LYL1: variants seen among roughly 807,000 people sequenced by gnomAD.
LYL1 encodes LYL1 basic helix-loop-helix family member.
LYL1 carries 4 observed loss-of-function variants against 11.1 expected under a neutral mutation model. The observed-to-expected ratio is 0.36, with a 90% CI of 0.18 to 0.82. The LOEUF is 0.82. Ranked by LOEUF, LYL1 falls within the 40% of genes least tolerant of loss-of-function variation. The probability of loss-of-function intolerance (pLI) is 0.49; values close to 1 mark genes in which losing one functional copy is unlikely to be tolerated. For missense variants in LYL1, 356 were observed against 397.6 expected, an observed-to-expected ratio of 0.90 and a Z score of 0.89; for synonymous variants, 179 against 174.8, an observed-to-expected ratio of 1.02 and a Z score of -0.19.
chr19:13,100,637 G>T lies in LYL1; in HGVS notation c.427+20C>A. 2 of 1,611,788 alleles carry T rather than the reference G, an allele frequency of 1.2e-6. No individual in the cohort carries two copies. The highest frequency in any genetic ancestry group is 1.7e-6 in the Non-Finnish European group (2 of 1,177,852). On this transcript the variant is annotated intron_variant, in intron 3 of 3. Transcript: ENST00000264824. Reference sequence around the variant, plus strand: ...ACATACAGGCATACAAACCCACAAGGCACACAAACCCACACTCACCCTCAG... The same window carrying T: ...ACATACAGGCATACAAACCCACAAGTCACACAAACCCACACTCACCCTCAG...
rs923038945 is a variant in LYL1, at chr19:13,101,431, C to T, written c.-24-236G>A. On this transcript the variant is annotated intron_variant, in intron 1 of 3. Coordinates refer to ENST00000264824, the MANE Select transcript of LYL1 (RefSeq NM_005583.5). This position sits in a 1 kb window ranked among gnomAD's most constrained non-coding sequence, Gnocchi z 5.1. ...CCAGGTGCTAGGCAGCGCACTGTCCCTGAGCTCTTTGTGACCCAGGAGGGG... is the reference window on the plus strand; with the variant it reads ...CCAGGTGCTAGGCAGCGCACTGTCCTTGAGCTCTTTGTGACCCAGGAGGGG... The T allele has an allele frequency of 2.5e-6, 1 of 396,844 alleles. No homozygotes were observed. The highest frequency in any genetic ancestry group is 2.1e-5 in the African/African-American group (1 of 48,440). The allele number at this position is 396,844 out of a possible 1,614,324, so 24.6% of individuals were successfully genotyped here. A position where few individuals can be genotyped will look rare whatever the true frequency, so the allele number is the denominator to read the frequency against.
chr19:13,099,289 C>T lies in LYL1; in HGVS notation c.*30G>A, dbSNP rs766841090. On this transcript the variant is annotated 3_prime_UTR_variant, in exon 4 of 4. Transcript: ENST00000264824. The surrounding 1 kb of genome is among the most constrained non-coding windows in gnomAD (Gnocchi z 5.3). ...CGGCCCTGGGCCGAGTCCCTGGTGC[C>T]CTCCGGCTCAGAGGTGCTGCCGCGT... 1 of 1,254,618 alleles carries T rather than the reference C, an allele frequency of 8.0e-7. No homozygotes were observed. Among genetic ancestry groups the T allele is most frequent in the East Asian group, 3.0e-5 (1 of 32,814 alleles). 77.7% of individuals were successfully genotyped at this position (1,254,618 alleles called of 1,614,324 possible).
At position 13,102,119 on chromosome 19, in the gene LYL1, G is replaced by GT. The variant is rs1391656686; in HGVS notation, c.-25+411dup. ...CCTGAGTAGCTGAGAGTACAGGCATGTGCCACCATGCCCGGCTAATTTAAA... is the reference window on the plus strand; with the variant it reads ...CCTGAGTAGCTGAGAGTACAGGCATGTTGCCACCATGCCCGGCTAATTTAAA... On this transcript the variant is annotated intron_variant, in intron 1 of 3. Transcript: ENST00000264824. The surrounding 1 kb of genome is among the most constrained non-coding windows in gnomAD (Gnocchi z 4.9). 4.7e-6 allele frequency: 1 copy of GT among 211,914 alleles called. No homozygotes were observed. Among genetic ancestry groups the GT allele is most frequent in the African/African-American group, 2.3e-5 (1 of 44,020 alleles). The allele number at this position is 211,914 out of a possible 1,614,324, so 13.1% of individuals were successfully genotyped here. A position where few individuals can be genotyped will look rare whatever the true frequency, so the allele number is the denominator to read the frequency against.
chr19:13,101,126 C>T lies in LYL1; in HGVS notation c.46G>A (p.Glu16Lys). Residue 16 changes from glutamate to lysine, a missense_variant, in exon 2 of 4, where the codon GAG becomes AAG. Glu to Lys is a moderately conservative substitution (Grantham distance 56). Coordinates refer to ENST00000264824, the MANE Select transcript of LYL1 (RefSeq NM_005583.5). This position sits in a 1 kb window ranked among gnomAD's most constrained non-coding sequence, Gnocchi z 5.1. Reference sequence around the variant, plus strand: ...GGGGCACACACCATCTCTGCCTTCTCAGTCATGGTGGGGCCCACCTCTGCC... The same window carrying T: ...GGGGCACACACCATCTCTGCCTTCTTAGTCATGGTGGGGCCCACCTCTGCC... Reference protein sequence around the residue: ...AQAEVGPTMTEKAEMVCAPSP... With the variant: ...AQAEVGPTMTKKAEMVCAPSP... 1.3e-6 allele frequency: 2 copies of T among 1,481,848 alleles called. No individual in the cohort carries two copies. The highest frequency in any genetic ancestry group is 1.8e-6 in the Non-Finnish European group (2 of 1,119,602). The allele number at this position is 1,481,848 out of a possible 1,614,324, so 91.8% of individuals were successfully genotyped here.
At chr19:13,100,230 T>TGACTCTTGTGTGGCC (rs911997869) in intron 3 of LYL1, among the ~76,000 whole-genome samples, 4 of 152,226 alleles carry the variant, frequency 2.6e-5, no homozygotes, top group African/African-American at 9.6e-5. Context: ...GTTGTGTGGC[T>TGACTCTTGTGTGGCC]GACTCTTGTG....
In LYL1 at chr19:13,099,367, G is replaced by GGA; in HGVS notation, c.794_795insTC (p.Arg266ProfsTer11). 1 of 1,277,708 alleles carries GGA rather than the reference G, an allele frequency of 7.8e-7. No individual in the cohort carries two copies. 79.1% of individuals were successfully genotyped at this position (1,277,708 alleles called of 1,614,324 possible). ...CGGTTTGCTCCATCTTGATGGGCCG[G>GGA]GCCGCTCCACCGGGGCTGCCGTCGG... On this transcript the variant is annotated frameshift_variant, in exon 4 of 4. Coordinates refer to ENST00000264824, the MANE Select transcript of LYL1 (RefSeq NM_005583.5). LOFTEE classifies it high-confidence loss of function. This position sits in a 1 kb window ranked among gnomAD's most constrained non-coding sequence, Gnocchi z 5.3.
Position 13,101,254 on chromosome 19 carries a change from T to C in LYL1, c.-24-59A>G. 1 of 640,914 alleles carries C rather than the reference T, an allele frequency of 1.6e-6. No homozygotes were observed. The highest frequency in any genetic ancestry group is 2.4e-6 in the Non-Finnish European group (1 of 423,026). 39.7% of individuals were successfully genotyped at this position (640,914 alleles called of 1,614,324 possible). On this transcript the variant is annotated intron_variant, in intron 1 of 3. Coordinates refer to ENST00000264824, the MANE Select transcript of LYL1 (RefSeq NM_005583.5). The surrounding 1 kb of genome is among the most constrained non-coding windows in gnomAD (Gnocchi z 5.1). ...ACTAGGTGCCCCGCTCCCACCTGCTTAGCTCAAGAAACCCCTCAAATGGGA... is the reference window on the plus strand; with the variant it reads ...ACTAGGTGCCCCGCTCCCACCTGCTCAGCTCAAGAAACCCCTCAAATGGGA...
intron 3 of LYL1, 73 bp downstream of exon 3, chr19:13,100,584 G>T: frequency 7.2e-7 from 1 of 1,379,628 alleles, no homozygotes; most frequent in Non-Finnish European, 1.0e-6. Context: ...CACAGAGACG[G>T]CCAGGCCTTC....
chr19:13,101,697 G>A lies in LYL1; in HGVS notation c.-24-502C>T, dbSNP rs570198763. 1.2e-4 allele frequency: 26 copies of A among 224,786 alleles called. No homozygotes were observed. The highest frequency in any genetic ancestry group is 4.5e-4 in the African/African-American group (20 of 44,892). The allele number at this position is 224,786 out of a possible 1,614,324, so 13.9% of individuals were successfully genotyped here. On this transcript the variant is annotated intron_variant, in intron 1 of 3. Coordinates refer to ENST00000264824, the MANE Select transcript of LYL1 (RefSeq NM_005583.5). This position sits in a 1 kb window ranked among gnomAD's most constrained non-coding sequence, Gnocchi z 5.1. ...TCTGACCCTTCACGGAAGGCCCCCAGCCCCCACCCAGGCTGACCCTCTGCA... is the reference window on the plus strand; with the variant it reads ...TCTGACCCTTCACGGAAGGCCCCCAACCCCCACCCAGGCTGACCCTCTGCA...
At position 13,101,289 on chromosome 19, in the gene LYL1, G is replaced by T; in HGVS notation, c.-24-94C>A. The stretch of plus-strand genomic sequence containing the variant: ...AACCCCTCAAATGGGAAGGAGGGAG[G>T]GGGAGGGGGAAAGGAGGAGGAGAGA... On this transcript the variant is annotated intron_variant, in intron 1 of 3. Transcript: ENST00000264824. This position sits in a 1 kb window ranked among gnomAD's most constrained non-coding sequence, Gnocchi z 5.1. 1 of 464,920 alleles carries T rather than the reference G, an allele frequency of 2.2e-6. No individual in the cohort carries two copies. Among genetic ancestry groups the T allele is most frequent in the Non-Finnish European group, 3.7e-6 (1 of 273,516 alleles). 28.8% of individuals were successfully genotyped at this position (464,920 alleles called of 1,614,324 possible).
rs1249423827 is a variant in LYL1, at chr19:13,101,430, C to T, written c.-24-235G>A. The T allele has an allele frequency of 7.6e-6, 3 of 397,150 alleles. No individual in the cohort carries two copies. Among genetic ancestry groups the T allele is most frequent in the African/African-American group, 6.2e-5 (3 of 48,442 alleles). 24.6% of individuals were successfully genotyped at this position (397,150 alleles called of 1,614,324 possible). ...CCCAGGTGCTAGGCAGCGCACTGTC[C>T]CTGAGCTCTTTGTGACCCAGGAGGG... On this transcript the variant is annotated intron_variant, in intron 1 of 3. Coordinates refer to ENST00000264824, the MANE Select transcript of LYL1 (RefSeq NM_005583.5). This position sits in a 1 kb window ranked among gnomAD's most constrained non-coding sequence, Gnocchi z 5.1.
chr19:13,101,396 G>A lies in LYL1; in HGVS notation c.-24-201C>T, dbSNP rs573833830. On this transcript the variant is annotated intron_variant, in intron 1 of 3. Transcript: ENST00000264824. The surrounding 1 kb of genome is among the most constrained non-coding windows in gnomAD (Gnocchi z 5.1). ...GGAGGGGGGTCCTACGTTAGAGTAG[G>A]AGGCGCCCCCCAGGTGCTAGGCAGC... 1.2e-5 allele frequency: 5 copies of A among 426,852 alleles called. No individual in the cohort carries two copies. The highest frequency in any genetic ancestry group is 5.9e-4 in the Middle Eastern group (1 of 1,698). 26.4% of individuals were successfully genotyped at this position (426,852 alleles called of 1,614,324 possible).
Position 13,099,566 on chromosome 19 carries a change from A to G in LYL1, c.596T>C (p.Ile199Thr). The G allele has an allele frequency of 6.5e-7, 1 of 1,538,792 alleles. No homozygotes were observed. Among genetic ancestry groups the G allele is most frequent in the Non-Finnish European group, 8.8e-7 (1 of 1,141,952 alleles). ...NEVLRLAMKY[I>T]GFLVRLLRDQ... ...GCGCAGCAGCCGCACCAGGAAGCCG[A>G]TGTACTTCATGGCTAGGCGGAGCAC... is the stretch of plus-strand genomic sequence containing the variant. Residue 199 changes from isoleucine (I) to threonine (T), a missense_variant, in exon 4 of 4, where the codon ATC (isoleucine) becomes ACC (threonine). Coordinates refer to ENST00000264824, the MANE Select transcript of LYL1 (RefSeq NM_005583.5). The surrounding 1 kb of genome is among the most constrained non-coding windows in gnomAD (Gnocchi z 5.3).
chr19:13,099,713 G>A lies in LYL1; in HGVS notation c.449C>T (p.Ala150Val). The A allele has an allele frequency of 6.5e-7, 1 of 1,534,568 alleles. No individual in the cohort carries two copies. The highest frequency in any genetic ancestry group is 8.8e-7 in the Non-Finnish European group (1 of 1,139,016). The change falls in exon 4 of 4, where the codon GCC (alanine) becomes GTC (valine). Residue 150 changes from alanine (A) to valine (V), a missense_variant. Physicochemically the swap from Ala to Val is moderately conservative, Grantham distance 64. Transcript: ENST00000264824. The surrounding 1 kb of genome is among the most constrained non-coding windows in gnomAD (Gnocchi z 5.3). ...CCGGCTGTTGGTGAACACGCGCCGG[G>A]CCACCTTCTGGGGCTGGTGCCCTGT... ...LAEGHQPQKV[A>V]RRVFTNSRER...
Position 13,101,280 on chromosome 19 carries a change from A to C in LYL1, c.-24-85T>G. Reference sequence around the variant, plus strand: ...AGCTCAAGAAACCCCTCAAATGGGAAGGAGGGAGGGGGAGGGGGAAAGGAG... The same window carrying C: ...AGCTCAAGAAACCCCTCAAATGGGACGGAGGGAGGGGGAGGGGGAAAGGAG... On this transcript the variant is annotated intron_variant, in intron 1 of 3. Transcript: ENST00000264824. This position sits in a 1 kb window ranked among gnomAD's most constrained non-coding sequence, Gnocchi z 5.1. 3.5e-5 allele frequency: 13 copies of C among 366,300 alleles called. No homozygotes were observed. Among genetic ancestry groups the C allele is most frequent in the Admixed American group, 4.9e-5 (1 of 20,222 alleles). 22.7% of individuals were successfully genotyped at this position (366,300 alleles called of 1,614,324 possible).
chr19:13,100,590 C>T (rs778281539), intron 3 of LYL1, 67 bp downstream of exon 3: 164 of 1,435,400 alleles, frequency 1.1e-4, no homozygotes, highest in Admixed American at 3.4e-5. Flanking sequence ...GACGGCCAGG[C>T]CTTCTGTGCA....
rs1408878750 is a variant in LYL1, at chr19:13,101,520, G to C, written c.-24-325C>G. The C allele has an allele frequency of 3.5e-6, 1 of 287,288 alleles. No individual in the cohort carries two copies. The highest frequency in any genetic ancestry group is 6.5e-6 in the Non-Finnish European group (1 of 154,606). 17.8% of individuals were successfully genotyped at this position (287,288 alleles called of 1,614,324 possible). A position where few individuals can be genotyped will look rare whatever the true frequency, so the allele number is the denominator to read the frequency against. On this transcript the variant is annotated intron_variant, in intron 1 of 3. Transcript: ENST00000264824. The surrounding 1 kb of genome is among the most constrained non-coding windows in gnomAD (Gnocchi z 5.1). ...AGAATTCCCTCACCTCTGCAGCCTG[G>C]AGAGGGAACAAGACAGGGAGCCCCT... is the stretch of plus-strand genomic sequence containing the variant.
chr19:13,102,858 G>A lies in LYL1; in HGVS notation c.-352C>T, dbSNP rs1208408742. ...AGGATGCTGGCCCAGTGCAGATAAG[G>A]GCCAGGCTGCCTGGCCGCGCCTGAT... is the stretch of plus-strand genomic sequence containing the variant. On this transcript the variant is annotated 5_prime_UTR_variant, in exon 1 of 4. Transcript: ENST00000264824. The surrounding 1 kb of genome is among the most constrained non-coding windows in gnomAD (Gnocchi z 4.9). 2 of 152,168 alleles carry A rather than the reference G, an allele frequency of 1.3e-5. No homozygotes were observed. The highest frequency in any genetic ancestry group is 4.8e-5 in the African/African-American group (2 of 41,444). 9.4% of individuals were successfully genotyped at this position (152,168 alleles called of 1,614,324 possible).
chr19:13,099,317 G>C lies in LYL1; in HGVS notation c.*2C>G. ...CCGGCTCAGAGGTGCTGCCGCGTGC[G>C]GTCACCGCACCTCTGGGCTCAAAGC... On this transcript the variant is annotated 3_prime_UTR_variant, in exon 4 of 4. Coordinates refer to ENST00000264824, the MANE Select transcript of LYL1 (RefSeq NM_005583.5). This position sits in a 1 kb window ranked among gnomAD's most constrained non-coding sequence, Gnocchi z 5.3. 1 of 1,273,176 alleles carries C rather than the reference G, an allele frequency of 7.9e-7. No individual in the cohort carries two copies. The highest frequency in any genetic ancestry group is 9.9e-7 in the Non-Finnish European group (1 of 1,008,566). The allele number at this position is 1,273,176 out of a possible 1,614,324, so 78.9% of individuals were successfully genotyped here.
Sources: gnomAD v4.1 joint callset for allele counts (sites outside exome capture counted in the v4.1 genomes callset) on GRCh38, gnomAD v4.1.1 for gene constraint, Gnocchi (gnomAD v3.1) non-coding constraint, MANE v1.5 for transcripts, NCBI Gene and HGNC (gene_info 2026-07-23, HGNC 2026-07-21) for gene names.